The following MCC variants were observed in gnomAD, a reference collection of about 807,000 sequenced individuals.
The protein encoded by MCC is MCC regulator of Wnt signaling pathway.
In MCC, 90 loss-of-function variants were observed where a neutral mutation model predicts 116.2. That is an observed-to-expected ratio of 0.77 (90% CI 0.65 to 0.92). MCC has a LOEUF of 0.92. MCC is among the 40% of genes least tolerant of loss of function. MCC has a pLI of 0.00. For synonymous variants in MCC, 578 were observed against 510.5 expected (o/e 1.13, Z -1.78); for missense variants, 1,516 against 1,312.2 (o/e 1.16, Z -2.40).
At chr5:113,280,978 C>G (rs978065794) in intron 3 of MCC, among the ~76,000 whole-genome samples, 1 of 152,132 alleles carries the variant, frequency 6.6e-6, no homozygotes, top group Non-Finnish European at 1.5e-5. Context: ...CTTCCCATTG[C>G]CCTCATGGTA....
chr5:113,193,401 A>G (rs999328411), intron 3 of MCC, among the ~76,000 whole-genome samples: 19 of 152,242 alleles, frequency 1.2e-4, no homozygotes, highest in African/African-American at 4.3e-4. Context: ...TGTTCTTATT[A>G]TATTAAGCTA....
chr5:113,344,748 A>C (rs1045228321), intron 2 of MCC, among the ~76,000 whole-genome samples: 13 of 152,066 alleles, frequency 8.5e-5, no homozygotes, highest in Admixed American at 4.6e-4. Context: ...TCACCTGCTG[A>C]CTAAAGAGTC....
chr5:113,346,888 T>G (rs1310786493), intron 2 of MCC, among the ~76,000 whole-genome samples: 2 of 150,928 alleles, frequency 1.3e-5, no homozygotes, highest in Admixed American at 1.3e-4. Flanking sequence ...GACTTCTCAG[T>G]GTAAACCTTA....
intron 3 of MCC, among the ~76,000 whole-genome samples, chr5:113,209,274 T>C (rs1763027130): frequency 6.6e-6 from 1 of 152,220 alleles, no homozygotes; most frequent in South Asian, 2.1e-4. Context: ...ACCAGACTTA[T>C]TAAAATGCCT....
chr5:113,209,442 C>A (rs1023439071), intron 3 of MCC, among the ~76,000 whole-genome samples: 1 of 152,196 alleles, frequency 6.6e-6, no homozygotes, highest in Non-Finnish European at 1.5e-5. Flanking sequence ...CCAAACCCAG[C>A]CCATAAAGCC....
chr5:113,241,522 A>G (rs1483851602), intron 3 of MCC, among the ~76,000 whole-genome samples: 1 of 152,222 alleles, frequency 6.6e-6, no homozygotes, highest in Non-Finnish European at 1.5e-5. Context: ...ATGAGGCTGG[A>G]AACTTTAGAA....
chr5:113,102,940 C>T (rs977891379), intron 7 of MCC, among the ~76,000 whole-genome samples: 9 of 152,046 alleles, frequency 5.9e-5, no homozygotes, highest in African/African-American at 2.2e-4. Flanking sequence ...CAGGTGAAAC[C>T]CTGTCTCTAC....
chr5:113,265,124 T>C (rs1765373900), intron 3 of MCC, among the ~76,000 whole-genome samples: 1 of 152,150 alleles, frequency 6.6e-6, no homozygotes, highest in Admixed American at 6.6e-5. Context: ...GACAGTTGAG[T>C]AGTAATGTCA....
At chr5:113,482,773 T>C (rs980992188) in intron 1 of MCC, among the ~76,000 whole-genome samples, 4 of 152,192 alleles carry the variant, frequency 2.6e-5, no homozygotes, top group African/African-American at 4.8e-5. Flanking sequence ...AATTTAACAA[T>C]TTTTTCTTTT....
chr5:113,402,858 G>A (rs989649121), intron 1 of MCC, among the ~76,000 whole-genome samples: 3 of 152,074 alleles, frequency 2.0e-5, no homozygotes, highest in Admixed American at 6.5e-5. Flanking sequence ...GCAGTGGTGC[G>A]ATCATAGTTC....
chr5:113,044,881 G>GA (rs1157872886), intron 16 of MCC, among the ~76,000 whole-genome samples: 1 of 152,104 alleles, frequency 6.6e-6, no homozygotes, highest in African/African-American at 2.4e-5. Context: ...GCCATAAACA[G>GA]AAAATTTTAT....
chr5:113,060,620 G>A (rs1413659129), intron 14 of MCC, among the ~76,000 whole-genome samples: 2 of 152,174 alleles, frequency 1.3e-5, no homozygotes, highest in Non-Finnish European at 2.9e-5. Context: ...CATTTTAATT[G>A]CTTAGTTTTA....
chr5:113,256,557 T>C (rs1043438683), intron 3 of MCC, among the ~76,000 whole-genome samples: 39 of 152,270 alleles, frequency 2.6e-4, no homozygotes, highest in African/African-American at 8.2e-4. Context: ...AAACATGGCA[T>C]ATTCAAGAAA....
intron 6 of MCC, chr5:113,104,723 A>C: frequency 5.9e-6 from 1 of 168,572 alleles, no homozygotes; most frequent in Admixed American, 6.0e-5. Flanking sequence ...AAGATCCCAT[A>C]ACTTTACTAA....
At chr5:113,092,214 T>C (rs1561801936) in intron 8 of MCC, among the ~76,000 whole-genome samples, 3 of 152,020 alleles carry the variant, frequency 2.0e-5, no homozygotes. Flanking sequence ...TCATGGATCA[T>C]CTAGGTGGAC....
chr5:113,055,802 T>C (rs1407029559), intron 14 of MCC, among the ~76,000 whole-genome samples: 1 of 152,198 alleles, frequency 6.6e-6, no homozygotes, highest in Non-Finnish European at 1.5e-5. Flanking sequence ...GTGATTACCA[T>C]TAAAATCAAG....
At chr5:113,046,784 T>C (rs1752121333) in intron 16 of MCC, among the ~76,000 whole-genome samples, 2 of 147,434 alleles carry the variant, frequency 1.4e-5, no homozygotes, top group East Asian at 4.1e-4. Flanking sequence ...TGAACCCAGA[T>C]ACAGTACCGC....
At chr5:113,433,423 G>T in intron 1 of MCC, 3 of 587,764 alleles carry the variant, frequency 5.1e-6, no homozygotes, top group Non-Finnish European at 6.4e-6. Context: ...TCCTGCTCTT[G>T]CTGTCACTGA....
chr5:113,192,184 G>C (rs573896611), intron 3 of MCC, among the ~76,000 whole-genome samples: 10 of 152,298 alleles, frequency 6.6e-5, no homozygotes, highest in African/African-American at 2.2e-4. Context: ...CTCTAAGGAA[G>C]CACCCACACC....
Sources: gnomAD v4.1 joint callset for allele counts (sites outside exome capture counted in the v4.1 genomes callset) on GRCh38, gnomAD v4.1.1 for gene constraint, MANE v1.5 for transcripts, NCBI Gene and HGNC (gene_info 2026-07-23, HGNC 2026-07-21) for gene names.